PTPRG: variants seen among roughly 807,000 people sequenced by gnomAD.
The protein encoded by PTPRG is receptor-type tyrosine-protein phosphatase gamma.
Under a neutral mutation model 165.3 loss-of-function variants are expected in PTPRG, and 102 were observed. The observed-to-expected ratio is 0.62, with a 90% CI of 0.53 to 0.73. The LOEUF (loss-of-function observed/expected upper bound fraction) is 0.73. PTPRG is among the 30% of genes least tolerant of loss of function. PTPRG has a pLI of 0.00. For missense variants in PTPRG, 1,866 were observed against 1,861.4 expected, an observed-to-expected ratio of 1.00 and a Z score of -0.05; for synonymous variants, 675 against 669.5, an observed-to-expected ratio of 1.01 and a Z score of -0.13.
At chr3:62,059,416 G>T (rs1311915557) in intron 4 of PTPRG, among the ~76,000 whole-genome samples, 1 of 152,206 alleles carries the variant, frequency 6.6e-6, no homozygotes, top group Non-Finnish European at 1.5e-5. Context: ...AACAGATCAG[G>T]AATGAGAATT....
At chr3:62,160,885 T>TTTTTG (rs1452272876) in intron 7 of PTPRG, among the ~76,000 whole-genome samples, 72 of 144,700 alleles carry the variant, frequency 5.0e-4, no homozygotes, top group African/African-American at 1.8e-3. Flanking sequence ...TTTTTTTTTT[T>TTTTTG]TTTCTGACAG....
chr3:62,266,803 G>A (rs1203907557), intron 17 of PTPRG, among the ~76,000 whole-genome samples: 1 of 146,774 alleles, frequency 6.8e-6, no homozygotes, highest in Non-Finnish European at 1.5e-5. Flanking sequence ...AAAAAAAACA[G>A]GCACAATCTG....
chr3:62,195,293 G>A lies in PTPRG; in HGVS notation c.1327+123G>A, dbSNP rs1699932381. 1.1e-6 allele frequency: 1 copy of A among 878,506 alleles called. No homozygotes were observed. The highest frequency in any genetic ancestry group is 1.8e-6 in the Non-Finnish European group (1 of 556,240). 54.4% of individuals were successfully genotyped at this position (878,506 alleles called of 1,614,324 possible). A position where few individuals can be genotyped will look rare whatever the true frequency, so the allele number is the denominator to read the frequency against. ...CAAGCCTGGCAGAAGAATCAGTGTA[G>A]GGTTTTAAAGCCTATGCGGGAAGCC... On this transcript the variant is annotated intron_variant, in intron 10 of 29. Transcript: ENST00000474889. This position sits in a 1 kb window ranked among gnomAD's most constrained non-coding sequence, Gnocchi z 4.4.
chr3:61,599,594 G>T (rs972219184), intron 1 of PTPRG, among the ~76,000 whole-genome samples: 5 of 151,994 alleles, frequency 3.3e-5, no homozygotes, highest in African/African-American at 9.7e-5. Flanking sequence ...CTGGGCTCAA[G>T]TGGTCCTCCC....
chr3:61,585,083 C>T lies in PTPRG; in HGVS notation c.85+22711C>T, dbSNP rs144717345. Among the ~76,000 whole-genome samples, 10 of 151,786 alleles carry T rather than the reference C, an allele frequency of 6.6e-5. No individual in the cohort carries two copies. In the East Asian group the frequency reaches 2.0e-3, roughly 30 times the overall value. ...ATTGCTTGAGCTCAGGAGTTCCAGA[C>T]CAGCCTGGCCAACATGGCAAAACCC... On this transcript the variant is annotated intron_variant, in intron 1 of 29. Coordinates refer to ENST00000474889, the MANE Select transcript of PTPRG (RefSeq NM_002841.4).
At chr3:61,729,988 C>T (rs959003894) in intron 1 of PTPRG, among the ~76,000 whole-genome samples, 2 of 152,064 alleles carry the variant, frequency 1.3e-5, no homozygotes, top group African/African-American at 4.8e-5. Context: ...TTGCCCATAA[C>T]GTGGTGGTTC....
chr3:61,985,120 A>C (rs758519301), intron 2 of PTPRG, among the ~76,000 whole-genome samples: 2 of 152,262 alleles, frequency 1.3e-5, no homozygotes, highest in Non-Finnish European at 2.9e-5. Flanking sequence ...AATCTAGCCA[A>C]AGATGGGATT....
intron 2 of PTPRG, among the ~76,000 whole-genome samples, chr3:61,775,447 C>T (rs1250747018): frequency 6.6e-6 from 1 of 152,110 alleles, no homozygotes; most frequent in Non-Finnish European, 1.5e-5. Flanking sequence ...ACATGGCCTG[C>T]TTTGGTTCCT....
At chr3:61,811,258 C>A (rs1171810762) in intron 2 of PTPRG, among the ~76,000 whole-genome samples, 1 of 152,152 alleles carries the variant, frequency 6.6e-6, no homozygotes, top group African/African-American at 2.4e-5. Context: ...CTGCTAGGTA[C>A]CATGAGAAAA....
rs368163413 is a variant in PTPRG, at chr3:61,562,627, C to G, written c.85+255C>G. Among the ~76,000 whole-genome samples, 258 of 151,686 alleles carry G rather than the reference C, an allele frequency of 1.7e-3. 1 individual carries two copies. The highest frequency in any genetic ancestry group is 6.1e-3 in the African/African-American group (251 of 41,342). On this transcript the variant is annotated intron_variant, in intron 1 of 29. Transcript: ENST00000474889. ...TGGGGGACGCGGGGGTCTGCTCCCG[C>G]TCCCTTTTGGGGGTCCTGGGGAGCT...
chr3:61,886,708 C>T (rs1187679276), intron 2 of PTPRG, among the ~76,000 whole-genome samples: 20 of 152,090 alleles, frequency 1.3e-4, no homozygotes, highest in Non-Finnish European at 1.5e-5. Context: ...ACCCATGGCC[C>T]CAAACTATTT....
At chr3:61,947,642 G>GCCTTTGGCTTCCTGCCTCTGC (rs2039793640) in intron 2 of PTPRG, among the ~76,000 whole-genome samples, 1 of 152,182 alleles carries the variant, frequency 6.6e-6, no homozygotes, top group Admixed American at 6.5e-5. Context: ...GCTGGTTCTG[G>GCCTTTGGCTTCCTGCCTCTGC]CCTTTGGCTT....
intron 1 of PTPRG, chr3:61,743,133 A>G (rs2033066814): frequency 1.7e-6 from 2 of 1,207,060 alleles, no homozygotes; most frequent in South Asian, 2.5e-5. Context: ...CTAACCGGAA[A>G]AGAGCGGGTC....
chr3:62,133,980 C>G (rs538431322), intron 6 of PTPRG, among the ~76,000 whole-genome samples: 44 of 150,832 alleles, frequency 2.9e-4, no homozygotes, highest in African/African-American at 1.0e-3. Context: ...GAGATTCTGT[C>G]TCAAAAAAAA....
intron 8 of PTPRG, among the ~76,000 whole-genome samples, chr3:62,188,482 A>C (rs72874702): frequency 0.024 from 3,585 of 152,320 alleles, 91 homozygotes; most frequent in African/African-American, 0.06. Context: ...TGCATGTTGG[A>C]GTCCCAGAAT....
chr3:61,716,529 CATCTT>C (rs1214263533), intron 1 of PTPRG, among the ~76,000 whole-genome samples: 1 of 152,034 alleles, frequency 6.6e-6, no homozygotes, highest in African/African-American at 2.4e-5. Context: ...ATTTATTACT[CATCTT>C]ATGTGTCCCC....
chr3:62,184,205 A>G (rs1350272352), intron 8 of PTPRG, among the ~76,000 whole-genome samples: 1 of 152,214 alleles, frequency 6.6e-6, no homozygotes, highest in Non-Finnish European at 1.5e-5. Flanking sequence ...GGCCCAGGGC[A>G]TGTGCGTGGC....
intron 1 of PTPRG, among the ~76,000 whole-genome samples, chr3:61,695,134 C>A (rs2030491646): frequency 6.6e-6 from 1 of 152,122 alleles, no homozygotes; most frequent in African/African-American, 2.4e-5. Context: ...CCTCAGCCTC[C>A]TGAGTAGCTG....
intron 2 of PTPRG, among the ~76,000 whole-genome samples, chr3:61,856,201 G>T (rs771122042): frequency 7.2e-5 from 11 of 151,764 alleles, no homozygotes; most frequent in Non-Finnish European, 8.8e-5. Flanking sequence ...TCTCAGTGGC[G>T]CTTAGTATAT....
Sources: gnomAD v4.1 joint callset for allele counts (sites outside exome capture counted in the v4.1 genomes callset) on GRCh38, gnomAD v4.1.1 for gene constraint, Gnocchi (gnomAD v3.1) non-coding constraint, MANE v1.5 for transcripts, NCBI Gene and HGNC (gene_info 2026-07-23, HGNC 2026-07-21) for gene names.